FSTL5: variants seen among roughly 807,000 people sequenced by gnomAD.
The protein encoded by FSTL5 is follistatin like 5.
In FSTL5, 62 loss-of-function variants were observed where a neutral mutation model predicts 89.1. The observed-to-expected ratio is 0.70, with a 90% confidence interval of 0.57 to 0.86. The LOEUF (loss-of-function observed/expected upper bound fraction) is 0.86, where lower values mean the gene tolerates loss of function less well. Among genes scored for constraint, FSTL5 ranks in the 40% least tolerant of loss-of-function variants. The probability of loss-of-function intolerance (pLI) is 0.00; values close to 1 mark genes in which losing one functional copy is unlikely to be tolerated. For missense variants in FSTL5, 1,057 were observed against 1,001.6 expected (o/e 1.06, Z -0.75); for synonymous variants, 383 against 346.2 (o/e 1.11, Z -1.18).
At chr4:162,095,288 TAAG>T (rs1229893832) in intron 2 of FSTL5, among the ~76,000 whole-genome samples, 8 of 152,196 alleles carry the variant, frequency 5.3e-5, no homozygotes, top group Non-Finnish European at 7.4e-5. Flanking sequence ...TCCCAGAATA[TAAG>T]AAGGTGTTCA....
chr4:161,454,289 T>A (rs1733273596), intron 15 of FSTL5, among the ~76,000 whole-genome samples: 1 of 152,216 alleles, frequency 6.6e-6, no homozygotes, highest in African/African-American at 2.4e-5. Flanking sequence ...CAAATATTTT[T>A]AAATTGTTTC....
At chr4:161,478,747 G>T (rs1729392172) in intron 13 of FSTL5, among the ~76,000 whole-genome samples, 1 of 151,944 alleles carries the variant, frequency 6.6e-6, no homozygotes, top group South Asian at 2.1e-4. Context: ...ATCTAGGTAT[G>T]CCCACAAATG....
At chr4:161,926,228 A>T (rs1734117271) in intron 3 of FSTL5, among the ~76,000 whole-genome samples, 1 of 151,724 alleles carries the variant, frequency 6.6e-6, no homozygotes, top group Non-Finnish European at 1.5e-5. Flanking sequence ...CGGTCAAAAA[A>T]GGCTGCCTGA....
At chr4:162,048,313 G>T (rs373628166) in intron 2 of FSTL5, among the ~76,000 whole-genome samples, 9 of 151,934 alleles carry the variant, frequency 5.9e-5, no homozygotes, top group African/African-American at 2.2e-4. Context: ...CAGCCTGGGC[G>T]ACAAAGCAAG....
chr4:161,976,409 C>T (rs1466439768), intron 3 of FSTL5, among the ~76,000 whole-genome samples: 5 of 152,100 alleles, frequency 3.3e-5, no homozygotes, highest in East Asian at 3.9e-4. Context: ...CAAAATTTCT[C>T]AGTGTGGGAC....
chr4:161,428,111 A>G (rs1732225791), intron 15 of FSTL5, among the ~76,000 whole-genome samples: 1 of 152,016 alleles, frequency 6.6e-6, no homozygotes, highest in African/African-American at 2.4e-5. Flanking sequence ...TTGCAATGGA[A>G]CTCAGTGCTG....
intron 15 of FSTL5, among the ~76,000 whole-genome samples, chr4:161,441,935 C>A (rs903435210): frequency 6.6e-6 from 1 of 152,070 alleles, no homozygotes; most frequent in Non-Finnish European, 1.5e-5. Context: ...TATTCGCTAA[C>A]ATAAGTGAAA....
intron 6 of FSTL5, among the ~76,000 whole-genome samples, chr4:161,749,268 G>A (rs148899606): frequency 5.3e-5 from 8 of 152,092 alleles, no homozygotes; most frequent in African/African-American, 1.9e-4. Context: ...GCAAAGTCAT[G>A]GAGTCAACCT....
At chr4:161,969,417 A>G (rs746900487) in intron 3 of FSTL5, among the ~76,000 whole-genome samples, 2 of 152,210 alleles carry the variant, frequency 1.3e-5, no homozygotes, top group African/African-American at 2.4e-5. Context: ...ATCTATCTAT[A>G]GAACCATGTA....
intron 10 of FSTL5, among the ~76,000 whole-genome samples, chr4:161,533,780 A>C (rs1030572066): frequency 1.6e-4 from 24 of 152,086 alleles, no homozygotes; most frequent in Admixed American, 4.6e-4. Flanking sequence ...ACAACAACAA[A>C]AAAGAAAACT....
chr4:161,588,980 A>G (rs1733713922), intron 7 of FSTL5, among the ~76,000 whole-genome samples: 1 of 150,748 alleles, frequency 6.6e-6, no homozygotes, highest in South Asian at 2.1e-4. Flanking sequence ...CTCTGTGTAA[A>G]GAGCCCTATC....
chr4:161,918,809 A>T (rs886138811), intron 4 of FSTL5, among the ~76,000 whole-genome samples: 2 of 151,796 alleles, frequency 1.3e-5, no homozygotes, highest in African/African-American at 4.8e-5. Flanking sequence ...ATGCCCAGCT[A>T]ATTTTTGTAT....
intron 15 of FSTL5, among the ~76,000 whole-genome samples, chr4:161,425,450 A>G (rs917037914): frequency 6.6e-6 from 1 of 152,192 alleles, no homozygotes; most frequent in African/African-American, 2.4e-5. Context: ...ATTTATACTT[A>G]AGGGTACACT....
chr4:161,442,110 ATTTGC>A (rs1732790734), intron 15 of FSTL5, among the ~76,000 whole-genome samples: 2 of 148,950 alleles, frequency 1.3e-5, no homozygotes, highest in Admixed American at 1.3e-4. Context: ...CCAATCAAGT[ATTTGC>A]TTTGCTTTGC....
intron 6 of FSTL5, among the ~76,000 whole-genome samples, chr4:161,749,324 A>G (rs1349454576): frequency 6.6e-6 from 1 of 152,178 alleles, no homozygotes; most frequent in African/African-American, 2.4e-5. Flanking sequence ...TGTGGTACAT[A>G]TATACCGTGA....
At chr4:161,759,358 A>G (rs1223319180) in intron 6 of FSTL5, 53 bp downstream of exon 6, 2 of 1,538,410 alleles carry the variant, frequency 1.3e-6, no homozygotes, top group Non-Finnish European at 1.8e-6. Context: ...CATATTGTGT[A>G]AAGCAACAGG....
chr4:161,676,015 T>C (rs1390869306), intron 6 of FSTL5, among the ~76,000 whole-genome samples: 1 of 152,114 alleles, frequency 6.6e-6, no homozygotes, highest in Non-Finnish European at 1.5e-5. Context: ...GCAAGCTGGT[T>C]TCTGGTATAA....
chr4:161,906,143 G>T (rs1253544171), intron 4 of FSTL5, among the ~76,000 whole-genome samples: 2 of 151,948 alleles, frequency 1.3e-5, no homozygotes, highest in African/African-American at 4.8e-5. Context: ...CCAGTCTCCA[G>T]AGGTAGCACA....
intron 3 of FSTL5, among the ~76,000 whole-genome samples, chr4:161,998,860 A>ACG (rs1032278886): frequency 3.4e-5 from 1 of 29,816 alleles, no homozygotes; most frequent in African/African-American, 1.4e-4. Context: ...CACACACAAC[A>ACG]CACACACACA....
Sources: allele counts gnomAD v4.1 joint callset (sites outside exome capture counted in the v4.1 genomes callset), GRCh38; gene constraint gnomAD v4.1.1; transcripts MANE v1.5; gene names NCBI Gene and HGNC (gene_info 2026-07-23, HGNC 2026-07-21).